Variants in TGFBR3 observed in about 807,000 individuals in gnomAD.
TGFBR3 encodes the protein transforming growth factor beta receptor type 3.
In TGFBR3, 46 loss-of-function variants were observed where a neutral mutation model predicts 87.9. The observed-to-expected ratio is 0.52, with a 90% CI of 0.41 to 0.67. TGFBR3 has a LOEUF of 0.67. TGFBR3 is among the 30% of genes least tolerant of loss of function. TGFBR3 has a pLI of 0.00. For missense variants in TGFBR3, 866 were observed against 1,041.9 expected (o/e 0.83, Z 2.32); for synonymous variants, 381 against 391.6 (o/e 0.97, Z 0.32).
At chr1:91,775,750 C>G (rs1027685408) in intron 3 of TGFBR3, among the ~76,000 whole-genome samples, 1 of 152,222 alleles carries the variant, frequency 6.6e-6, no homozygotes, top group Non-Finnish European at 1.5e-5. Flanking sequence ...GAATTCAAGA[C>G]CAAATCAGAA....
chr1:91,762,392 T>C (rs1674003116), intron 3 of TGFBR3, among the ~76,000 whole-genome samples: 1 of 152,152 alleles, frequency 6.6e-6, no homozygotes. Context: ...GTAAGAAAGT[T>C]CTAAGAGCAA....
chr1:91,814,526 C>T (rs1196277415), intron 2 of TGFBR3, among the ~76,000 whole-genome samples: 1 of 152,014 alleles, frequency 6.6e-6, no homozygotes, highest in Admixed American at 6.5e-5. Flanking sequence ...CCCCTTTTTA[C>T]TCTCCCCTAT....
At chr1:91,773,062 G>A (rs1016058623) in intron 3 of TGFBR3, among the ~76,000 whole-genome samples, 22 of 152,210 alleles carry the variant, frequency 1.4e-4, no homozygotes, top group African/African-American at 5.3e-4. Flanking sequence ...TCCTCCTAAT[G>A]TAAGATCCTG....
chr1:91,730,096 G>A, intron 5 of TGFBR3, 123 bp from the exon 6 acceptor site: 4 of 1,122,804 alleles, frequency 3.6e-6, no homozygotes, highest in Non-Finnish European at 5.3e-6. Flanking sequence ...CTCAAAGGAT[G>A]GTTCTTCGTC....
intron 1 of TGFBR3, among the ~76,000 whole-genome samples, chr1:91,862,208 AGAAAAT>A (rs1337113594): frequency 2.0e-5 from 3 of 152,192 alleles, no homozygotes; most frequent in African/African-American, 7.2e-5. Context: ...GAACTACAGA[AGAAAAT>A]CAAGGTGCAC....
chr1:91,693,389 A>G (rs1671328749), intron 16 of TGFBR3, among the ~76,000 whole-genome samples: 1 of 152,150 alleles, frequency 6.6e-6, no homozygotes, highest in African/African-American at 2.4e-5. Flanking sequence ...TTACTTACAA[A>G]CCTATTTCTA....
chr1:91,895,579 C>A (rs1679536824), intron 2 of TGFBR3, among the ~76,000 whole-genome samples: 1 of 152,174 alleles, frequency 6.6e-6, no homozygotes, highest in South Asian at 2.1e-4. Flanking sequence ...ATCTTGGCCT[C>A]CCAAAGTGCT....
At chr1:91,729,758 T>C in intron 6 of TGFBR3, 47 bp downstream of exon 6, 2 of 1,608,784 alleles carry the variant, frequency 1.2e-6, no homozygotes, top group Non-Finnish European at 1.7e-6. Flanking sequence ...TCAAGGAAGA[T>C]CTTTACTTTC....
intron 4 of TGFBR3, among the ~76,000 whole-genome samples, chr1:91,738,539 T>G (rs569291668): frequency 6.6e-6 from 1 of 152,350 alleles, no homozygotes; most frequent in African/African-American, 2.4e-5. Context: ...TTGCTCCTGC[T>G]TTTGCCATGT....
In TGFBR3 at chr1:91,681,441, T is replaced by C. The variant is rs1670907659; in HGVS notation, c.*2298A>G. The C allele has an allele frequency of 2.8e-6, 1 of 357,996 alleles. No individual in the cohort carries two copies. The allele number at this position is 357,996 out of a possible 1,614,324, so 22.2% of individuals were successfully genotyped here. ...GATCTTTTGGTTTGCATCTATAAATTTGTAAATTAATTTTAAATTATTTAT... is the reference window on the plus strand; with the variant it reads ...GATCTTTTGGTTTGCATCTATAAATCTGTAAATTAATTTTAAATTATTTAT... On this transcript the variant is annotated 3_prime_UTR_variant, in exon 17 of 17. Coordinates refer to ENST00000212355, the MANE Select transcript of TGFBR3 (RefSeq NM_003243.5).
chr1:91,892,645 T>C (rs974217421), intron 2 of TGFBR3, among the ~76,000 whole-genome samples: 2 of 152,156 alleles, frequency 1.3e-5, no homozygotes, highest in Non-Finnish European at 2.9e-5. Context: ...GGTTATACCT[T>C]GAACATTGAA....
intron 1 of TGFBR3, among the ~76,000 whole-genome samples, chr1:91,876,068 C>T (rs1055408531): frequency 2.6e-5 from 4 of 151,916 alleles, no homozygotes; most frequent in African/African-American, 4.8e-5. Flanking sequence ...CTTTGCACTC[C>T]GTACTTCACA....
chr1:91,824,918 C>G (rs1018996001), intron 2 of TGFBR3, among the ~76,000 whole-genome samples: 2 of 152,192 alleles, frequency 1.3e-5, no homozygotes, highest in East Asian at 3.9e-4. Context: ...CAAGATCGCA[C>G]TACTGCACTC....
chr1:91,852,408 ATG>A (rs1333782848), intron 2 of TGFBR3, among the ~76,000 whole-genome samples: 1 of 152,198 alleles, frequency 6.6e-6, no homozygotes, highest in Admixed American at 6.5e-5. Flanking sequence ...GTGCGCATGC[ATG>A]TGTGTGTTGT....
chr1:91,695,705 TCAG>T lies in TGFBR3; in HGVS notation c.2401_2403del (p.Leu801del), dbSNP rs1227978495. 1 of 1,614,164 alleles carries T rather than the reference TCAG, an allele frequency of 6.2e-7. No individual in the cohort carries two copies. Among genetic ancestry groups the T allele is most frequent in the East Asian group, 2.2e-5 (1 of 44,884 alleles). On this transcript the variant is annotated inframe_deletion, in exon 16 of 17. Coordinates refer to ENST00000212355, the MANE Select transcript of TGFBR3 (RefSeq NM_003243.5). ...GAATAGATGTACCACAAGGCCCCCG[TCAG>T]GAGTGCTCCGATCACAAAGGCTGCA... is the stretch of plus-strand genomic sequence containing the variant.
chr1:91,824,463 C>T (rs2810892), intron 2 of TGFBR3, among the ~76,000 whole-genome samples: 151,339 of 152,306 alleles, frequency 0.99, 75,193 homozygotes, highest in Middle Eastern at 1. Flanking sequence ...CAGCCGAAGG[C>T]TGCAAATCTC....
intron 8 of TGFBR3, among the ~76,000 whole-genome samples, chr1:91,720,893 G>A (rs1241913453): frequency 6.6e-6 from 1 of 152,070 alleles, no homozygotes. Context: ...CAGGTATCTG[G>A]GCACCTTGGC....
intron 3 of TGFBR3, among the ~76,000 whole-genome samples, chr1:91,787,747 A>G (rs111849647): frequency 0.14 from 20,535 of 152,008 alleles, 2,002 homozygotes; most frequent in African/African-American, 0.27. Context: ...GTCCAAGGCG[A>G]GTGGATCACT....
chr1:91,748,313 T>C (rs1340855692), intron 4 of TGFBR3, among the ~76,000 whole-genome samples: 1 of 152,140 alleles, frequency 6.6e-6, no homozygotes. Flanking sequence ...ACTGCACATA[T>C]TTAGCATCAA....
Sources: allele counts gnomAD v4.1 joint callset (sites outside exome capture counted in the v4.1 genomes callset), GRCh38; gene constraint gnomAD v4.1.1; transcripts MANE v1.5; gene names NCBI Gene and HGNC (gene_info 2026-07-23, HGNC 2026-07-21).